Variants in COG6 observed in about 807,000 individuals in gnomAD.
The protein encoded by COG6 is conserved oligomeric Golgi complex subunit 6.
Under a neutral mutation model 88.8 loss-of-function variants are expected in COG6, and 74 were observed. The ratio of observed to expected loss-of-function variants is 0.83; its 90% CI spans 0.69 to 1.01. The LOEUF is 1.01. COG6 is among the 50% of genes least tolerant of loss of function. COG6 has a pLI of 0.00. For missense variants in COG6, 800 were observed against 797.9 expected (o/e 1.00, Z -0.03); for synonymous variants, 286 against 278.7 (o/e 1.03, Z -0.26).
intron 4 of COG6, among the ~76,000 whole-genome samples, chr13:39,667,707 A>T (rs1163552970): frequency 1.3e-5 from 2 of 152,212 alleles, no homozygotes; most frequent in Admixed American, 6.5e-5. Flanking sequence ...TAAGGTATCA[A>T]CAGAATCAAG....
Position 39,659,397 on chromosome 13 carries a change from T to A in COG6, c.187T>A (p.Phe63Ile). 6.2e-7 allele frequency: 1 copy of A among 1,612,752 alleles called. No individual in the cohort carries two copies. The change falls in exon 2 of 19, where the codon TTT becomes ATT. Residue 63 changes from phenylalanine to isoleucine, a missense_variant. Phe to Ile is a conservative substitution (Grantham distance 21, BLOSUM62 0). Coordinates refer to ENST00000455146, the MANE Select transcript of COG6 (RefSeq NM_020751.3). ...AGAAGCTCTCAAGGCACTTTCAACC[T>A]TTTTTGTTGAAAATAGTCTGCGGAC... is the stretch of plus-strand genomic sequence containing the variant. Reference protein sequence around the residue: ...MLEALKALSTFFVENSLRTRR... With the variant: ...MLEALKALSTIFVENSLRTRR...
intron 4 of COG6, among the ~76,000 whole-genome samples, chr13:39,672,319 A>G (rs982838017): frequency 7.9e-5 from 12 of 152,004 alleles, no homozygotes; most frequent in African/African-American, 2.4e-4. Context: ...AAATTAAAGT[A>G]TATAGTTTAT....
At chr13:39,656,137 A>T in intron 1 of COG6, 1 of 633,390 alleles carries the variant, frequency 1.6e-6, no homozygotes, top group Non-Finnish European at 2.9e-6. Context: ...GGCTCTCTGG[A>T]TGGGATTGGT....
intron 18 of COG6, among the ~76,000 whole-genome samples, chr13:39,746,055 G>A (rs752730507): frequency 1.3e-5 from 2 of 151,912 alleles, no homozygotes; most frequent in Non-Finnish European, 1.5e-5. Context: ...AACACAGGGC[G>A]GGGAACATCA....
chr13:39,783,494 A>C (rs923681391), intron 18 of COG6, among the ~76,000 whole-genome samples: 1 of 152,046 alleles, frequency 6.6e-6, no homozygotes, highest in Admixed American at 6.6e-5. Context: ...CTTATTTTAA[A>C]ATTGTTCTCT....
rs1880681767 is a variant in COG6 at position 39,752,268 on chromosome 13, TA to T, written c.*1179del. 1.1e-6 allele frequency: 1 copy of T among 914,724 alleles called. No individual in the cohort carries two copies. The highest frequency in any genetic ancestry group is 1.4e-6 in the Non-Finnish European group (1 of 690,978). The allele number at this position is 914,724 out of a possible 1,614,324, so 56.7% of individuals were successfully genotyped here. On this transcript the variant is annotated 3_prime_UTR_variant, in exon 19 of 19. Transcript: ENST00000455146. ...TGAAATATTTTGAAAAGTAATAACA[TA>T]AAACTAGTATTTGTAGAAGATTATG...
At chr13:39,698,836 TG>T (rs1877417072) in intron 12 of COG6, among the ~76,000 whole-genome samples, 1 of 151,818 alleles carries the variant, frequency 6.6e-6, no homozygotes, top group South Asian at 2.1e-4. Flanking sequence ...AAATGGGAAT[TG>T]TTTTATATAC....
chr13:39,739,251 A>AAAT (rs1349470776), intron 18 of COG6, among the ~76,000 whole-genome samples: 1 of 152,120 alleles, frequency 6.6e-6, no homozygotes, highest in African/African-American at 2.4e-5. Context: ...ATTCCAAGCT[A>AAAT]AATCAGTTTT....
At chr13:39,735,679 T>C (rs567225183) in intron 18 of COG6, among the ~76,000 whole-genome samples, 2 of 151,802 alleles carry the variant, frequency 1.3e-5, no homozygotes, top group South Asian at 2.1e-4. Flanking sequence ...GCATTTCTTG[T>C]AGGACAGATG....
rs557091888 is a variant in COG6, at chr13:39,776,776, G to A, written c.1827-11559G>A. 1.1e-4 allele frequency among the ~76,000 whole-genome samples: 16 copies of A among 151,822 alleles called. 1 individual carries two copies. Among genetic ancestry groups the A allele is most frequent in the Admixed American group, 7.2e-4 (11 of 15,258 alleles). The stretch of plus-strand genomic sequence containing the variant: ...TACCACTTCTGTCGAAGCTGCTTTT[G>A]TAGTGGGGACTATCTAGCTGCTAGG... On this transcript the variant is annotated intron_variant, in intron 18 of 18. Transcript: ENST00000416691.
intron 18 of COG6, among the ~76,000 whole-genome samples, chr13:39,740,347 G>T (rs1283185058): frequency 6.6e-6 from 1 of 152,086 alleles, no homozygotes; most frequent in Non-Finnish European, 1.5e-5. Flanking sequence ...TTTCACACTT[G>T]CCCTCTCCAC....
chr13:39,693,687 T>C (rs1241361738), intron 11 of COG6, among the ~76,000 whole-genome samples: 2 of 151,978 alleles, frequency 1.3e-5, no homozygotes, highest in African/African-American at 4.8e-5. Flanking sequence ...TAAAGGTAAA[T>C]TGATTTCTGT....
At chr13:39,724,932 G>A (rs982614103) in intron 17 of COG6, among the ~76,000 whole-genome samples, 4 of 151,806 alleles carry the variant, frequency 2.6e-5, no homozygotes, top group South Asian at 2.1e-4. Flanking sequence ...AGTTCCTGAC[G>A]TGAAAATCGA....
At position 39,723,313 on chromosome 13, in the gene COG6, T is replaced by TTAAAA. The variant is rs1316738594; in HGVS notation, c.1585-19_1585-18insAAAAT. 6.8e-7 allele frequency: 1 copy of TTAAAA among 1,469,600 alleles called. No individual in the cohort carries two copies. The highest frequency in any genetic ancestry group is 1.4e-5 in the African/African-American group (1 of 72,086). The allele number at this position is 1,469,600 out of a possible 1,614,324, so 91.0% of individuals were successfully genotyped here. A position where few individuals can be genotyped will look rare whatever the true frequency, so the allele number is the denominator to read the frequency against. ...AGTGTCATTCTTCTTTTAAAATGTT[T>TTAAAA]TCTTTGTGTTTTATTTTAGATCGAA... On this transcript the variant is annotated intron_variant, in intron 15 of 18. Transcript: ENST00000455146.
chr13:39,757,411 A>G (rs1049140039), downstream of COG6, among the ~76,000 whole-genome samples: 9 of 152,082 alleles, frequency 5.9e-5, no homozygotes, highest in Non-Finnish European at 8.8e-5. Flanking sequence ...ACATAAAAGA[A>G]GAGCAAACTA....
At chr13:39,659,084 C>G (rs1874719386) in intron 1 of COG6, among the ~76,000 whole-genome samples, 1 of 151,906 alleles carries the variant, frequency 6.6e-6, no homozygotes, top group African/African-American at 2.4e-5. Context: ...TTTATTTAAC[C>G]AATCCCTTTT....
intron 8 of COG6, among the ~76,000 whole-genome samples, chr13:39,684,225 G>C (rs1057100775): frequency 8.9e-5 from 12 of 134,544 alleles, no homozygotes; most frequent in African/African-American, 3.3e-4. Flanking sequence ...GCAGGGGGCA[G>C]TAATGGCAAT....
At chr13:39,738,362 T>C (rs1394507561) in intron 18 of COG6, among the ~76,000 whole-genome samples, 2 of 152,164 alleles carry the variant, frequency 1.3e-5, no homozygotes, top group African/African-American at 2.4e-5. Context: ...ATATATAATA[T>C]TGATTGGAGG....
chr13:39,750,664 C>A (rs1182731291), intron 18 of COG6, among the ~76,000 whole-genome samples: 1 of 152,164 alleles, frequency 6.6e-6, no homozygotes, highest in Non-Finnish European at 1.5e-5. Context: ...GTATATCAGG[C>A]ACAAATATAT....
Sources: gnomAD v4.1 joint callset for allele counts (sites outside exome capture counted in the v4.1 genomes callset) on GRCh38, gnomAD v4.1.1 for gene constraint, MANE v1.5 for transcripts, NCBI Gene and HGNC (gene_info 2026-07-23, HGNC 2026-07-21) for gene names.